The following EGFLAM variants were observed in gnomAD, a reference collection of about 807,000 sequenced individuals.
The protein encoded by EGFLAM is pikachurin.
A neutral mutation model predicts 113.1 loss-of-function variants in EGFLAM; 79 were observed. That is an observed-to-expected ratio of 0.70 (90% CI 0.58 to 0.84). The LOEUF (loss-of-function observed/expected upper bound fraction) is 0.84. Among genes scored for constraint, EGFLAM ranks in the 40% least tolerant of loss-of-function variants. EGFLAM has a pLI of 0.00. For synonymous variants in EGFLAM, 504 were observed against 487.6 expected, an observed-to-expected ratio of 1.03 and a Z score of -0.44; for missense variants, 1,265 against 1,291.6, an observed-to-expected ratio of 0.98 and a Z score of 0.32.
intron 1 of EGFLAM, among the ~76,000 whole-genome samples, chr5:38,330,811 T>C (rs1739020474): frequency 6.6e-6 from 1 of 152,132 alleles, no homozygotes; most frequent in African/African-American, 2.4e-5. Flanking sequence ...TCTCCCCCAC[T>C]TTTCAGCCAC....
At chr5:38,302,900 C>T (rs1758630059) in intron 1 of EGFLAM, among the ~76,000 whole-genome samples, 1 of 152,126 alleles carries the variant, frequency 6.6e-6, no homozygotes, top group Non-Finnish European at 1.5e-5. Context: ...CATGAGAAAC[C>T]TCCATCCTCA....
In EGFLAM at chr5:38,463,921, TACC is replaced by T; in HGVS notation, c.2968_2970del (p.His990del). ...CTCTCACTTCACCCTGTCCACCGAT[TACC>T]ACATTTCCCTCGTGGAAGATGCCGT... is the stretch of plus-strand genomic sequence containing the variant. On this transcript the variant is annotated inframe_deletion, in exon 22 of 22. Coordinates refer to ENST00000322350, the MANE Select transcript of EGFLAM (RefSeq NM_152403.4). 7 of 1,614,220 alleles carry T rather than the reference TACC, an allele frequency of 4.3e-6. No individual in the cohort carries two copies. The highest frequency in any genetic ancestry group is 5.9e-6 in the Non-Finnish European group (7 of 1,180,036).
chr5:38,393,897 G>A (rs1177339715), intron 6 of EGFLAM, among the ~76,000 whole-genome samples: 1 of 152,216 alleles, frequency 6.6e-6, no homozygotes, highest in African/African-American at 2.4e-5. Flanking sequence ...TGTCCAGGAA[G>A]AATCAGGTCA....
intron 5 of EGFLAM, among the ~76,000 whole-genome samples, chr5:38,358,829 A>T (rs1255394718): frequency 6.6e-6 from 1 of 152,156 alleles, no homozygotes; most frequent in African/African-American, 2.4e-5. Context: ...TGTAGAAAAG[A>T]TCTGAAGAGG....
At chr5:38,273,240 TG>T (rs1442787722) in intron 1 of EGFLAM, among the ~76,000 whole-genome samples, 1 of 152,216 alleles carries the variant, frequency 6.6e-6, no homozygotes, top group African/African-American at 2.4e-5. Flanking sequence ...ACTCTAATTC[TG>T]GGCTCACCAC....
intron 3 of EGFLAM, 66 bp downstream of exon 3, chr5:38,338,847 T>C (rs1258795907): frequency 7.6e-7 from 1 of 1,317,210 alleles, no homozygotes; most frequent in African/African-American, 1.5e-5. Context: ...GATTGCTGAT[T>C]TGGTGTGTGT....
intron 12 of EGFLAM, among the ~76,000 whole-genome samples, chr5:38,419,003 C>G (rs774147043): frequency 7.9e-5 from 12 of 152,130 alleles, no homozygotes; most frequent in Non-Finnish European, 1.6e-4. Context: ...GGCTGGAAGT[C>G]CCAGATCAAG....
rs191152544 is a variant in EGFLAM, at chr5:38,326,718, T to C, written c.98-10802T>C. ...CATGTTAGCCAGGATGGTCTCGATC[T>C]CCTGACCTCCTGATCTGCCCAACTT... On this transcript the variant is annotated intron_variant, in intron 1 of 21. Coordinates refer to ENST00000322350, the MANE Select transcript of EGFLAM (RefSeq NM_152403.4). Among the ~76,000 whole-genome samples, 439 of 151,584 alleles carry C rather than the reference T, an allele frequency of 2.9e-3. 2 individuals carry two copies. Among genetic ancestry groups the C allele is most frequent in the Admixed American group, 4.7e-3 (72 of 15,212 alleles).
chr5:38,385,289 C>T (rs1161297222), intron 6 of EGFLAM, among the ~76,000 whole-genome samples: 40 of 117,252 alleles, frequency 3.4e-4, no homozygotes, highest in Admixed American at 1.2e-3. Context: ...CCCCCCCCCC[C>T]CGCCCCCGCC....
At position 38,406,036 on chromosome 5, in the gene EGFLAM, G is replaced by A. The variant is rs76222167; in HGVS notation, c.713-90G>A. On this transcript the variant is annotated intron_variant, in intron 6 of 21. Coordinates refer to ENST00000322350, the MANE Select transcript of EGFLAM (RefSeq NM_152403.4). ...GTTTCCAATACACTGCGTTCCATTCGGTACAGCTCTGCCTGTGGCTGAGTT... is the reference window on the plus strand; with the variant it reads ...GTTTCCAATACACTGCGTTCCATTCAGTACAGCTCTGCCTGTGGCTGAGTT... The A allele has an allele frequency of 2.6e-3, 2,547 of 988,852 alleles. 40 individuals carry two copies. In the African/African-American group the frequency reaches 0.033, roughly 13 times the overall value. 61.3% of individuals were successfully genotyped at this position (988,852 alleles called of 1,614,324 possible).
chr5:38,427,588 A>G (rs1742059067), intron 14 of EGFLAM, among the ~76,000 whole-genome samples: 1 of 152,230 alleles, frequency 6.6e-6, no homozygotes, highest in Non-Finnish European at 1.5e-5. Context: ...AAACTTGATG[A>G]ACTGTAACTA....
chr5:38,276,400 T>A (rs1407239125), intron 1 of EGFLAM, among the ~76,000 whole-genome samples: 1 of 151,970 alleles, frequency 6.6e-6, no homozygotes, highest in Non-Finnish European at 1.5e-5. Flanking sequence ...TTACAACATA[T>A]CAAAGCCTAT....
intron 1 of EGFLAM, among the ~76,000 whole-genome samples, chr5:38,276,513 G>T (rs1443605727): frequency 3.3e-5 from 5 of 151,982 alleles, no homozygotes; most frequent in Non-Finnish European, 7.4e-5. Flanking sequence ...TGTACCTCAA[G>T]AAACTAGAAG....
chr5:38,292,680 T>C (rs1260675963), intron 1 of EGFLAM, among the ~76,000 whole-genome samples: 1 of 152,212 alleles, frequency 6.6e-6, no homozygotes, highest in African/African-American at 2.4e-5. Context: ...AAGTATGTGT[T>C]CCTATCATGA....
intron 11 of EGFLAM, among the ~76,000 whole-genome samples, chr5:38,415,429 T>C (rs1384474290): frequency 1.3e-5 from 2 of 151,942 alleles, no homozygotes; most frequent in Non-Finnish European, 2.9e-5. Context: ...ACGCCTATAA[T>C]TCCCACACTT....
chr5:38,305,759 T>G (rs1346831893), intron 1 of EGFLAM: 1 of 181,512 alleles, frequency 5.5e-6, no homozygotes, highest in Admixed American at 6.0e-5. Flanking sequence ...ACTAGGAAGA[T>G]TAGAACACTG....
intron 1 of EGFLAM, among the ~76,000 whole-genome samples, chr5:38,259,808 G>A (rs1219572634): frequency 6.6e-6 from 1 of 152,208 alleles, no homozygotes; most frequent in Non-Finnish European, 1.5e-5. Context: ...CTCACAGAAA[G>A]TGCAGTTTGT....
At chr5:38,368,709 C>T (rs1325447101) in intron 5 of EGFLAM, among the ~76,000 whole-genome samples, 1 of 152,066 alleles carries the variant, frequency 6.6e-6, no homozygotes, top group Non-Finnish European at 1.5e-5. Flanking sequence ...AATCGTCTGC[C>T]GCCCACCGTC....
At chr5:38,448,708 G>A (rs372430658) in intron 18 of EGFLAM, among the ~76,000 whole-genome samples, 13 of 152,228 alleles carry the variant, frequency 8.5e-5, no homozygotes, top group Admixed American at 8.5e-4. Context: ...CAGTGAGAAT[G>A]TGATGTTCCT....
Sources: gnomAD v4.1 joint callset for allele counts (sites outside exome capture counted in the v4.1 genomes callset) on GRCh38, gnomAD v4.1.1 for gene constraint, MANE v1.5 for transcripts, NCBI Gene and HGNC (gene_info 2026-07-23, HGNC 2026-07-21) for gene names.